The following TEC variants were observed in gnomAD, a reference collection of about 807,000 sequenced individuals.
The protein encoded by TEC is tyrosine-protein kinase Tec.
TEC carries 72 observed loss-of-function variants against 93.0 expected under a neutral mutation model. The observed-to-expected ratio is 0.77, with a 90% confidence interval of 0.64 to 0.94. TEC has a LOEUF of 0.94. Ranked by LOEUF, TEC falls within the 40% of genes least tolerant of loss-of-function variation. The probability of loss-of-function intolerance (pLI) is 0.00; values close to 1 mark genes in which losing one functional copy is unlikely to be tolerated. For missense variants in TEC, 630 were observed against 757.9 expected, an observed-to-expected ratio of 0.83 and a Z score of 1.98; for synonymous variants, 249 against 247.7, an observed-to-expected ratio of 1.01 and a Z score of -0.05.
intron 1 of TEC, among the ~76,000 whole-genome samples, chr4:48,231,434 A>G (rs1482971525): frequency 6.6e-6 from 1 of 152,232 alleles, no homozygotes; most frequent in Non-Finnish European, 1.5e-5. Context: ...TCTTTGTGCA[A>G]CACATTTTCA....
At chr4:48,209,841 C>G (rs1412311986) in intron 2 of TEC, among the ~76,000 whole-genome samples, 1 of 152,132 alleles carries the variant, frequency 6.6e-6, no homozygotes, top group Non-Finnish European at 1.5e-5. Context: ...AAAGGAAGAA[C>G]TTAGAGAACA....
chr4:48,231,573 G>A (rs918222951), intron 1 of TEC, among the ~76,000 whole-genome samples: 19 of 152,024 alleles, frequency 1.2e-4, no homozygotes, highest in African/African-American at 4.1e-4. Flanking sequence ...TGGCTAACAC[G>A]GTGAAACCCC....
intron 8 of TEC, 146 bp from the exon 9 acceptor site, chr4:48,156,880 C>A (rs560816461): frequency 3.2e-6 from 2 of 633,490 alleles, no homozygotes; most frequent in African/African-American, 3.8e-5. Flanking sequence ...TAATAGACAA[C>A]TAATAATTTT....
chr4:48,177,519 T>C (rs1721378336), intron 2 of TEC, among the ~76,000 whole-genome samples: 12 of 152,192 alleles, frequency 7.9e-5, no homozygotes, highest in Admixed American at 7.2e-4. Context: ...TGCATCCTCA[T>C]TGTCACCACA....
chr4:48,205,152 T>C (rs1231407335), intron 2 of TEC, among the ~76,000 whole-genome samples: 1 of 152,240 alleles, frequency 6.6e-6, no homozygotes, highest in African/African-American at 2.4e-5. Context: ...CAAGATTAAA[T>C]AAGTTGTAGA....
At chr4:48,162,520 A>G (rs3792622) in intron 8 of TEC, among the ~76,000 whole-genome samples, 56,743 of 152,020 alleles carry the variant, frequency 0.37, 11,625 homozygotes, top group East Asian at 0.9. Context: ...ACCAGGCCCA[A>G]GTTTTCACCT....
chr4:48,209,204 T>A (rs978456460), intron 2 of TEC, among the ~76,000 whole-genome samples: 1 of 152,220 alleles, frequency 6.6e-6, no homozygotes, highest in Admixed American at 6.5e-5. Flanking sequence ...TTTTTTAATT[T>A]TTTTCTTCTC....
chr4:48,175,563 AC>A (rs1721289399), intron 3 of TEC, among the ~76,000 whole-genome samples: 1 of 151,932 alleles, frequency 6.6e-6, no homozygotes, highest in Non-Finnish European at 1.5e-5. Flanking sequence ...AGGACGCCGG[AC>A]CCTCCTCTTC....
At chr4:48,223,619 A>G (rs1723338027) in intron 2 of TEC, among the ~76,000 whole-genome samples, 1 of 152,236 alleles carries the variant, frequency 6.6e-6, no homozygotes, top group African/African-American at 2.4e-5. Flanking sequence ...TTAGTGCTCA[A>G]TAGGTTGTAT....
intron 1 of TEC, among the ~76,000 whole-genome samples, chr4:48,254,005 C>T (rs1216214935): frequency 6.6e-6 from 1 of 152,168 alleles, no homozygotes; most frequent in Non-Finnish European, 1.5e-5. Context: ...CTCTGGAAGG[C>T]TCCTCCCTCT....
rs1466058795 is a variant in TEC at position 48,234,398 on chromosome 4, CT to C, written c.-45-5740del. ...CATAAGAAAGAGGTAAAGGGACCCC[CT>C]CCCCCAATAGATGATGAAGGGAAAT... On this transcript the variant is annotated intron_variant, in intron 1 of 17. Coordinates refer to ENST00000381501, the MANE Select transcript of TEC (RefSeq NM_003215.3). 2.0e-5 allele frequency among the ~76,000 whole-genome samples: 3 copies of C among 152,224 alleles called. No individual in the cohort carries two copies. The East Asian group carries it at 5.8e-4, about 29-fold the overall frequency.
At chr4:48,266,647 G>C (rs907937466) in intron 1 of TEC, among the ~76,000 whole-genome samples, 53 of 152,206 alleles carry the variant, frequency 3.5e-4, no homozygotes, top group Admixed American at 1.8e-3. Context: ...AGACCAGCCT[G>C]ATTAACATGG....
chr4:48,178,509 G>A (rs1187801966), intron 2 of TEC, among the ~76,000 whole-genome samples: 2 of 152,114 alleles, frequency 1.3e-5, no homozygotes, highest in Non-Finnish European at 2.9e-5. Flanking sequence ...TTTTACAGAT[G>A]AGGAAACTGC....
At chr4:48,184,190 G>A (rs1326163478) in intron 2 of TEC, among the ~76,000 whole-genome samples, 2 of 152,128 alleles carry the variant, frequency 1.3e-5, no homozygotes, top group African/African-American at 4.8e-5. Context: ...TTTTGCAGAT[G>A]GAGAAATCAA....
intron 2 of TEC, among the ~76,000 whole-genome samples, chr4:48,214,424 C>CT (rs1723007447): frequency 6.6e-6 from 1 of 152,186 alleles, no homozygotes; most frequent in African/African-American, 2.4e-5. Flanking sequence ...CAAGCACAGA[C>CT]AGTCCCAAGT....
intron 2 of TEC, among the ~76,000 whole-genome samples, chr4:48,228,065 G>T (rs1723533919): frequency 6.6e-6 from 1 of 152,138 alleles, no homozygotes; most frequent in South Asian, 2.1e-4. Flanking sequence ...TCGATAACGT[G>T]TTGAGTCCAC....
chr4:48,197,876 G>A (rs1368555944), intron 2 of TEC, among the ~76,000 whole-genome samples: 1 of 152,200 alleles, frequency 6.6e-6, no homozygotes, highest in East Asian at 1.9e-4. Context: ...CTCCTATCTA[G>A]CAGACAGGGT....
chr4:48,218,601 T>C (rs1723153076), intron 2 of TEC, among the ~76,000 whole-genome samples: 1 of 152,130 alleles, frequency 6.6e-6, no homozygotes, highest in African/African-American at 2.4e-5. Context: ...AGGTAAAGAT[T>C]AGAAGGACCC....
At chr4:48,141,685 C>CA in intron 14 of TEC, 1 of 202,950 alleles carries the variant, frequency 4.9e-6, no homozygotes, top group Non-Finnish European at 9.2e-6. Context: ...TCTTTTCTTT[C>CA]TTTTTTTTTT....
Sources: allele counts gnomAD v4.1 joint callset (sites outside exome capture counted in the v4.1 genomes callset), GRCh38; gene constraint gnomAD v4.1.1; transcripts MANE v1.5; gene names NCBI Gene and HGNC (gene_info 2026-07-23, HGNC 2026-07-21).